Variants in CSTA observed in about 807,000 individuals in gnomAD.
CSTA encodes the protein cystatin A.
Under a neutral mutation model 9.2 loss-of-function variants are expected in CSTA, and 9 were observed. That is an observed-to-expected ratio of 0.97 (90% CI 0.59 to 1.70). The LOEUF (loss-of-function observed/expected upper bound fraction) is 1.70, where lower values mean the gene tolerates loss of function less well. Ranked by LOEUF, CSTA falls within the 40% of genes most tolerant of loss-of-function variation. CSTA has a pLI of 0.00. For synonymous variants in CSTA, 36 were observed against 40.6 expected, an observed-to-expected ratio of 0.89 and a Z score of 0.43; for missense variants, 118 against 113.1, an observed-to-expected ratio of 1.04 and a Z score of -0.20.
chr3:122,335,895 G>C (rs888434219), intron 1 of CSTA, among the ~76,000 whole-genome samples: 1 of 151,708 alleles, frequency 6.6e-6, no homozygotes, highest in Admixed American at 6.6e-5. Flanking sequence ...GCCTCCCAAA[G>C]TGCTGGGATT....
intron 1 of CSTA, among the ~76,000 whole-genome samples, chr3:122,333,593 AGAAAGAG>A (rs1303358211): frequency 3.4e-5 from 5 of 149,006 alleles, no homozygotes; most frequent in African/African-American, 1.2e-4. Flanking sequence ...GAAAGAAAGA[AGAAAGAG>A]AGAGAGAGGA....
At chr3:122,332,122 TG>T (rs1559981172) in intron 1 of CSTA, among the ~76,000 whole-genome samples, 3 of 152,200 alleles carry the variant, frequency 2.0e-5, no homozygotes, top group African/African-American at 7.2e-5. Flanking sequence ...TAACAGGCCA[TG>T]GATGGGTACT....
At chr3:122,337,247 C>T (rs1453624619) in intron 1 of CSTA, among the ~76,000 whole-genome samples, 1 of 152,116 alleles carries the variant, frequency 6.6e-6, no homozygotes, top group African/African-American at 2.4e-5. Context: ...AATTATTGCT[C>T]CACTGATTTT....
chr3:122,334,310 T>C (rs2075224559), intron 1 of CSTA, among the ~76,000 whole-genome samples: 1 of 152,174 alleles, frequency 6.6e-6, no homozygotes, highest in Admixed American at 6.6e-5. Context: ...AGTTTGCATA[T>C]GTCTACATCT....
chr3:122,333,540 G>GAAGAAAGAAAGAAAGAAGAAAGA (rs2075216548), intron 1 of CSTA, among the ~76,000 whole-genome samples: 2 of 112,078 alleles, frequency 1.8e-5, no homozygotes, highest in Non-Finnish European at 3.5e-5. Context: ...AGAAAAGAAA[G>GAAGAAAGAAAGAAAGAAGAAAGA]AAGAAAGAAA....
At chr3:122,335,098 G>T (rs540013664) in intron 1 of CSTA, among the ~76,000 whole-genome samples, 2 of 152,198 alleles carry the variant, frequency 1.3e-5, no homozygotes, top group Non-Finnish European at 2.9e-5. Context: ...GAGTGGGAAT[G>T]AAGCACTGTA....
At chr3:122,340,866 C>T (rs866479388) in intron 2 of CSTA, among the ~76,000 whole-genome samples, 3 of 152,198 alleles carry the variant, frequency 2.0e-5, no homozygotes, top group Non-Finnish European at 4.4e-5. Context: ...AAATGCTGTC[C>T]TTTGTGCCCA....
chr3:122,338,433 G>A (rs537947162), intron 2 of CSTA, among the ~76,000 whole-genome samples: 1 of 151,590 alleles, frequency 6.6e-6, no homozygotes, highest in East Asian at 1.9e-4. Flanking sequence ...CCAGGGCACA[G>A]TGTGGCTTAT....
At chr3:122,339,416 C>T (rs1239882085) in intron 2 of CSTA, among the ~76,000 whole-genome samples, 1 of 152,138 alleles carries the variant, frequency 6.6e-6, no homozygotes, top group Non-Finnish European at 1.5e-5. Context: ...GGGTTACCAA[C>T]GAAAAAACTG....
chr3:122,341,651 A>AT lies in CSTA; in HGVS notation c.*84_*85insT. ...TGATAAATATAACCATCAATAAAGA[A>AT]GCATTCTTTTCCAAAGAAATTATTT... On this transcript the variant is annotated 3_prime_UTR_variant, in exon 3 of 3. Transcript: ENST00000264474. The AT allele has an allele frequency of 6.7e-7, 1 of 1,496,316 alleles. No individual in the cohort carries two copies. Among genetic ancestry groups the AT allele is most frequent in the Non-Finnish European group, 9.2e-7 (1 of 1,082,304 alleles). 92.7% of individuals were successfully genotyped at this position (1,496,316 alleles called of 1,614,324 possible).
chr3:122,338,170 A>G (rs147583442), intron 2 of CSTA: 1 of 154,562 alleles, frequency 6.5e-6, no homozygotes, highest in African/African-American at 2.4e-5. Flanking sequence ...AACTTGTGGC[A>G]CTCTAGGCAT....
intron 1 of CSTA, among the ~76,000 whole-genome samples, chr3:122,334,211 C>T (rs1242475509): frequency 6.6e-6 from 1 of 152,220 alleles, no homozygotes; most frequent in Non-Finnish European, 1.5e-5. Flanking sequence ...AGAACAATCA[C>T]ACTTTTCCCG....
intron 2 of CSTA, among the ~76,000 whole-genome samples, chr3:122,341,064 C>G (rs2075262930): frequency 6.6e-6 from 1 of 151,916 alleles, no homozygotes; most frequent in Non-Finnish European, 1.5e-5. Flanking sequence ...GCCTCAGCCT[C>G]TAGAGTAGCT....
intron 2 of CSTA, among the ~76,000 whole-genome samples, chr3:122,340,633 C>T (rs1411106470): frequency 3.9e-5 from 6 of 152,260 alleles, no homozygotes; most frequent in African/African-American, 7.2e-5. Context: ...GGAGGGTGTC[C>T]GCCCCCTGGG....
At chr3:122,333,578 A>AGAAAGAAG (rs1454136317) in intron 1 of CSTA, among the ~76,000 whole-genome samples, 1 of 147,498 alleles carries the variant, frequency 6.8e-6, no homozygotes, top group Non-Finnish European at 1.5e-5. Context: ...AAAGAAAGAA[A>AGAAAGAAG]GAAAGAAAGA....
Position 122,341,666 on chromosome 3 carries a change from A to C in CSTA, c.*99A>C. On this transcript the variant is annotated 3_prime_UTR_variant, in exon 3 of 3. Transcript: ENST00000264474. The stretch of plus-strand genomic sequence containing the variant: ...TCAATAAAGAAGCATTCTTTTCCAA[A>C]GAAATTATTTCTTCAATTATTTCTC... 7.1e-7 allele frequency: 1 copy of C among 1,413,904 alleles called. No homozygotes were observed. Among genetic ancestry groups the C allele is most frequent in the Non-Finnish European group, 9.9e-7 (1 of 1,012,586 alleles). The allele number at this position is 1,413,904 out of a possible 1,614,324, so 87.6% of individuals were successfully genotyped here. A position where few individuals can be genotyped will look rare whatever the true frequency, so the allele number is the denominator to read the frequency against.
At chr3:122,333,715 A>G (rs2075220762) in intron 1 of CSTA, among the ~76,000 whole-genome samples, 1 of 128,466 alleles carries the variant, frequency 7.8e-6, no homozygotes. Context: ...AGAAAAAGAA[A>G]GAAAGAGAAA....
intron 1 of CSTA, among the ~76,000 whole-genome samples, chr3:122,336,902 A>C (rs1412814986): frequency 6.6e-6 from 1 of 152,248 alleles, no homozygotes; most frequent in Non-Finnish European, 1.5e-5. Context: ...TTAACAGGCC[A>C]GTATTCTTCA....
chr3:122,328,351 A>C (rs918602280), intron 1 of CSTA, among the ~76,000 whole-genome samples: 40 of 151,762 alleles, frequency 2.6e-4, no homozygotes, highest in Non-Finnish European at 5.0e-4. Flanking sequence ...AAATACAAAA[A>C]TTAGCCCGGC....
Sources: gnomAD v4.1 joint callset for allele counts (sites outside exome capture counted in the v4.1 genomes callset) on GRCh38, gnomAD v4.1.1 for gene constraint, MANE v1.5 for transcripts, NCBI Gene and HGNC (gene_info 2026-07-23, HGNC 2026-07-21) for gene names.